The following LRP1B variants were observed in gnomAD, a reference collection of about 807,000 sequenced individuals.
The protein encoded by LRP1B is low-density lipoprotein receptor-related protein 1B.
In LRP1B, 217 loss-of-function variants were observed where a neutral mutation model predicts 556.6. The observed-to-expected ratio is 0.39, with a 90% CI of 0.35 to 0.44. The LOEUF (loss-of-function observed/expected upper bound fraction) is 0.44. Ranked by LOEUF, LRP1B falls within the 20% of genes least tolerant of loss-of-function variation. The pLI, the probability that LRP1B is intolerant of heterozygous loss-of-function variation, is 1.00. For synonymous variants in LRP1B, 2,047 were observed against 1,865.8 expected, an observed-to-expected ratio of 1.10 and a Z score of -2.50; for missense variants, 5,053 against 5,620.8, an observed-to-expected ratio of 0.90 and a Z score of 3.23.
chr2:141,220,682 C>A (rs1683000026), intron 6 of LRP1B, among the ~76,000 whole-genome samples: 1 of 143,722 alleles, frequency 7.0e-6, no homozygotes. Flanking sequence ...AGGTCACCTA[C>A]AAAGAGAAGC....
At chr2:141,703,718 G>A (rs1421049126) in intron 2 of LRP1B, among the ~76,000 whole-genome samples, 1 of 151,952 alleles carries the variant, frequency 6.6e-6, no homozygotes, top group Non-Finnish European at 1.5e-5. Context: ...CACATCCTGA[G>A]TTTAGCACCT....
At chr2:141,155,675 A>C (rs920289429) in intron 7 of LRP1B, among the ~76,000 whole-genome samples, 9 of 151,950 alleles carry the variant, frequency 5.9e-5, no homozygotes, top group Non-Finnish European at 1.3e-4. Flanking sequence ...TGCAGCTGCA[A>C]AGACAAATTT....
chr2:141,238,994 CTT>C (rs1325504855), intron 5 of LRP1B, among the ~76,000 whole-genome samples: 1 of 151,990 alleles, frequency 6.6e-6, no homozygotes, highest in Non-Finnish European at 1.5e-5. Context: ...GTCTCAGTCT[CTT>C]TATATTTTTT....
intron 2 of LRP1B, among the ~76,000 whole-genome samples, chr2:141,632,626 A>G (rs567392271): frequency 2.7e-4 from 41 of 152,344 alleles, no homozygotes; most frequent in Admixed American, 2.3e-3. Flanking sequence ...TGCATGTGAT[A>G]GAGAAAGTTT....
At chr2:142,091,478 C>A (rs1478893146) in intron 1 of LRP1B, among the ~76,000 whole-genome samples, 2 of 152,006 alleles carry the variant, frequency 1.3e-5, no homozygotes, top group Non-Finnish European at 2.9e-5. Context: ...AGAAAAACTT[C>A]CAAGCTCTCC....
intron 78 of LRP1B, 85 bp downstream of exon 78, chr2:140,335,530 C>T (rs934676689): frequency 1.2e-6 from 1 of 817,042 alleles, no homozygotes; most frequent in Non-Finnish European, 2.1e-6. Flanking sequence ...ATTGAACACT[C>T]ATTACAGAGA....
intron 7 of LRP1B, among the ~76,000 whole-genome samples, chr2:141,148,985 A>G (rs527591602): frequency 1.4e-3 from 212 of 152,182 alleles, no homozygotes; most frequent in African/African-American, 4.7e-3. Context: ...GCTACTCGGG[A>G]GGCTGAGGCA....
chr2:142,022,863 G>C (rs7586205), intron 1 of LRP1B, among the ~76,000 whole-genome samples: 4,903 of 152,022 alleles, frequency 0.032, 88 homozygotes, highest in Non-Finnish European at 0.04. Flanking sequence ...TTTTAGTAGA[G>C]TCGGGGTTTC....
At chr2:141,668,354 T>A (rs1476870745) in intron 2 of LRP1B, among the ~76,000 whole-genome samples, 1 of 152,138 alleles carries the variant, frequency 6.6e-6, no homozygotes, top group Non-Finnish European at 1.5e-5. Flanking sequence ...AGGTCCTAAA[T>A]GGGAACAGGC....
intron 41 of LRP1B, among the ~76,000 whole-genome samples, chr2:140,682,556 AG>A (rs1374618685): frequency 3.3e-5 from 5 of 152,198 alleles, no homozygotes; most frequent in African/African-American, 1.2e-4. Flanking sequence ...GTGCTTATAC[AG>A]CAGAGAAGCT....
At chr2:141,060,125 T>C (rs1187815684) in intron 8 of LRP1B, among the ~76,000 whole-genome samples, 4 of 151,860 alleles carry the variant, frequency 2.6e-5, no homozygotes, top group Non-Finnish European at 5.9e-5. Flanking sequence ...GCCAGTTCTA[T>C]AGTTTAAACA....
intron 43 of LRP1B, among the ~76,000 whole-genome samples, chr2:140,564,424 T>C (rs995228803): frequency 1.3e-5 from 2 of 152,142 alleles, no homozygotes; most frequent in African/African-American, 4.8e-5. Context: ...ATATATCATA[T>C]AAGTGTTATT....
chr2:141,664,229 G>A (rs141268120), intron 2 of LRP1B, among the ~76,000 whole-genome samples: 1,702 of 152,052 alleles, frequency 0.011, 28 homozygotes, highest in Non-Finnish European at 0.017. Context: ...GGTATTGATG[G>A]AACATAACTC....
At chr2:141,751,585 A>G (rs959997073) in intron 2 of LRP1B, among the ~76,000 whole-genome samples, 1 of 152,102 alleles carries the variant, frequency 6.6e-6, no homozygotes, top group African/African-American at 2.4e-5. Flanking sequence ...TCATGGCAGA[A>G]CTTAAATCTA....
intron 23 of LRP1B, 97 bp downstream of exon 23, chr2:140,902,823 G>T: frequency 7.7e-7 from 1 of 1,301,932 alleles, no homozygotes; most frequent in Non-Finnish European, 1.1e-6. Flanking sequence ...TCTAAAATGA[G>T]TTGAATCCTT....
At chr2:141,294,231 C>A (rs1483959257) in intron 3 of LRP1B, among the ~76,000 whole-genome samples, 2 of 151,944 alleles carry the variant, frequency 1.3e-5, no homozygotes. Context: ...TCTTAAAGTG[C>A]AGAGTGCATG....
intron 61 of LRP1B, among the ~76,000 whole-genome samples, 174 bp downstream of exon 61, chr2:140,457,289 T>C (rs576739396): frequency 1.1e-4 from 16 of 152,228 alleles, no homozygotes; most frequent in Non-Finnish European, 1.3e-4. Flanking sequence ...TCTAATCATA[T>C]GCCTTAAGAG....
intron 27 of LRP1B, among the ~76,000 whole-genome samples, chr2:140,862,802 G>T (rs1461616243): frequency 6.6e-6 from 1 of 152,182 alleles, no homozygotes; most frequent in South Asian, 2.1e-4. Flanking sequence ...TGGGTTAGAA[G>T]TTTCCTGCCC....
chr2:140,300,447 G>A (rs1683773435), intron 83 of LRP1B, among the ~76,000 whole-genome samples: 1 of 152,044 alleles, frequency 6.6e-6, no homozygotes. Context: ...TTTAATACTT[G>A]AAAAAGAAAC....
Sources: gnomAD v4.1 joint callset for allele counts (sites outside exome capture counted in the v4.1 genomes callset) on GRCh38, gnomAD v4.1.1 for gene constraint, MANE v1.5 for transcripts, NCBI Gene and HGNC (gene_info 2026-07-23, HGNC 2026-07-21) for gene names.